The following TXNRD1 variants were observed in gnomAD, a reference collection of about 807,000 sequenced individuals.
The protein encoded by TXNRD1 is thioredoxin reductase 1, also known as thioredoxin reductase 1, cytoplasmic.
In TXNRD1, 57 loss-of-function variants were observed where a neutral mutation model predicts 80.3. That is an observed-to-expected ratio of 0.71 (90% CI 0.57 to 0.89). The LOEUF (loss-of-function observed/expected upper bound fraction) is 0.89. Among genes scored for constraint, TXNRD1 ranks in the 40% least tolerant of loss-of-function variants. The probability of loss-of-function intolerance (pLI) is 0.00; values close to 1 mark genes in which losing one functional copy is unlikely to be tolerated. For missense variants in TXNRD1, 730 were observed against 803.0 expected, an observed-to-expected ratio of 0.91 and a Z score of 1.10; for synonymous variants, 291 against 285.2, an observed-to-expected ratio of 1.02 and a Z score of -0.20.
chr12:104,250,246 T>C (rs576973127), intron 1 of TXNRD1, among the ~76,000 whole-genome samples: 4 of 152,186 alleles, frequency 2.6e-5, no homozygotes, highest in Middle Eastern at 6.8e-3. Context: ...ATAGAACACA[T>C]GCAAATTAAC....
intron 15 of TXNRD1, among the ~76,000 whole-genome samples, chr12:104,335,263 G>GTCCTTTTTTTTTTTTTTT (rs2036097103): frequency 6.7e-6 from 1 of 148,792 alleles, no homozygotes; most frequent in African/African-American, 2.5e-5. Flanking sequence ...GTGCAGTGGC[G>GTCCTTTTTTTTTTTTTTT]TGATCTTGGT....
chr12:104,325,485 G>C (rs1324391580), intron 11 of TXNRD1, 56 bp downstream of exon 11: 2 of 1,287,836 alleles, frequency 1.6e-6, no homozygotes, highest in Non-Finnish European at 2.2e-6. Context: ...ATGCTTATTG[G>C]GTATCTTATA....
At chr12:104,217,971 C>A (rs983871778) in intron 1 of TXNRD1, among the ~76,000 whole-genome samples, 1 of 151,684 alleles carries the variant, frequency 6.6e-6, no homozygotes, top group East Asian at 1.9e-4. Context: ...TATGTACATA[C>A]ACACACACAT....
At chr12:104,313,461 T>G (rs1171762354) in intron 6 of TXNRD1, 144 bp downstream of exon 6, 2 of 623,426 alleles carry the variant, frequency 3.2e-6, no homozygotes, top group Admixed American at 3.4e-5. Flanking sequence ...ATCTTTTATT[T>G]GAGCCAAGTT....
intron 4 of TXNRD1, chr12:104,303,979 C>T: frequency 6.2e-7 from 1 of 1,607,372 alleles, no homozygotes; most frequent in Non-Finnish European, 8.5e-7. Flanking sequence ...GCTCCGACGA[C>T]CTCAGCTCTG....
At position 104,251,533 on chromosome 12, in the gene TXNRD1, A is replaced by G. The variant is rs768840448; in HGVS notation, c.98A>G (p.Asp33Gly). ...TTACTTCCATTACTTCTAGCTAAAG[A>G]TCATCACCCTGGTAAAACTTTGCCA... ...NGDGRRRSAKDHHPGKTLPEN... is the reference protein window; with the variant it reads ...NGDGRRRSAKGHHPGKTLPEN... Residue 33 changes from aspartate to glycine, a missense_variant, in exon 2 of 17, where the codon GAT becomes GGT. Transcript: ENST00000525566. The G allele has an allele frequency of 1.7e-5, 28 of 1,613,710 alleles. No individual in the cohort carries two copies. The highest frequency in any genetic ancestry group is 2.4e-5 in the Non-Finnish European group (28 of 1,179,804).
At chr12:104,225,220 T>C (rs2032445458) in intron 1 of TXNRD1, among the ~76,000 whole-genome samples, 1 of 152,208 alleles carries the variant, frequency 6.6e-6, no homozygotes, top group African/African-American at 2.4e-5. Flanking sequence ...ATGATCCAGG[T>C]ACTGTGCTGA....
intron 2 of TXNRD1, among the ~76,000 whole-genome samples, chr12:104,253,048 A>G (rs1267364294): frequency 6.6e-6 from 1 of 151,918 alleles, no homozygotes; most frequent in African/African-American, 2.4e-5. Context: ...CTGCCCCATG[A>G]CTTACTTTCC....
chr12:104,274,832 C>T (rs932923323), intron 3 of TXNRD1, among the ~76,000 whole-genome samples: 3 of 152,068 alleles, frequency 2.0e-5, no homozygotes, highest in African/African-American at 7.2e-5. Flanking sequence ...GGTGGTTGAT[C>T]TGCACTTTTA....
At position 104,229,917 on chromosome 12, in the gene TXNRD1, C is replaced by T. The variant is rs190422527; in HGVS notation, c.91+14024C>T. ...ATTTTTATTTCTATTTTAACCACTT[C>T]TTGGACATTTGGGTTGTTTCCACTT... is the stretch of plus-strand genomic sequence containing the variant. On this transcript the variant is annotated intron_variant, in intron 1 of 16. Coordinates refer to ENST00000525566, the MANE Select transcript of TXNRD1 (RefSeq NM_001093771.3). 2.8e-3 allele frequency among the ~76,000 whole-genome samples: 425 copies of T among 151,968 alleles called. 2 individuals carry two copies. The highest frequency in any genetic ancestry group is 9.8e-3 in the African/African-American group (407 of 41,444).
At chr12:104,233,347 A>G (rs1335829831) in intron 1 of TXNRD1, among the ~76,000 whole-genome samples, 1 of 152,248 alleles carries the variant, frequency 6.6e-6, no homozygotes, top group Non-Finnish European at 1.5e-5. Context: ...TTTTCACGGT[A>G]AAATAACCAG....
intron 6 of TXNRD1, among the ~76,000 whole-genome samples, chr12:104,314,076 G>GGT (rs2035231300): frequency 6.6e-6 from 1 of 152,168 alleles, no homozygotes; most frequent in Non-Finnish European, 1.5e-5. Context: ...AAGGCCCTGA[G>GGT]GTAGGTAAAA....
intron 3 of TXNRD1, among the ~76,000 whole-genome samples, chr12:104,264,306 TG>T (rs1344391362): frequency 6.6e-6 from 1 of 152,212 alleles, no homozygotes; most frequent in Non-Finnish European, 1.5e-5. Context: ...CATTTAAAGC[TG>T]TAAACAAAAG....
chr12:104,250,029 T>A (rs1176435295), intron 1 of TXNRD1, among the ~76,000 whole-genome samples: 16 of 152,124 alleles, frequency 1.1e-4, no homozygotes. Flanking sequence ...TTAGCTGATT[T>A]TATTAACACC....
At chr12:104,295,418 A>G (rs948903899) in intron 4 of TXNRD1, among the ~76,000 whole-genome samples, 3 of 152,094 alleles carry the variant, frequency 2.0e-5, no homozygotes, top group Admixed American at 6.6e-5. Flanking sequence ...CTTCCAGCTC[A>G]TATTGCCAGT....
At position 104,326,327 on chromosome 12, in the gene TXNRD1, ATATAT is replaced by A. The variant is rs780323825; in HGVS notation, c.1309-17_1309-13del. On this transcript the variant is annotated splice_polypyrimidine_tract_variant and intron_variant, in intron 11 of 16. Transcript: ENST00000525566. The stretch of plus-strand genomic sequence containing the variant: ...AAAGCCTTTTTGTTATTAGTCACTA[ATATAT>A]TAATAATTTTTCAGGTGATGCTGGC... 5 of 1,530,744 alleles carry A rather than the reference ATATAT, an allele frequency of 3.3e-6. No individual in the cohort carries two copies. Among genetic ancestry groups the A allele is most frequent in the South Asian group, 1.3e-5 (1 of 79,312 alleles). 94.8% of individuals were successfully genotyped at this position (1,530,744 alleles called of 1,614,324 possible). A position where few individuals can be genotyped will look rare whatever the true frequency, so the allele number is the denominator to read the frequency against.
At position 104,349,771 on chromosome 12, in the gene TXNRD1, A is replaced by G. The variant is rs539689092; in HGVS notation, c.*1350A>G. 6 of 152,490 alleles carry G rather than the reference A, an allele frequency of 3.9e-5. No homozygotes were observed. The highest frequency in any genetic ancestry group is 1.4e-4 in the African/African-American group (6 of 41,516). The allele number at this position is 152,490 out of a possible 1,614,324, so 9.4% of individuals were successfully genotyped here. A position where few individuals can be genotyped will look rare whatever the true frequency, so the allele number is the denominator to read the frequency against. The stretch of plus-strand genomic sequence containing the variant: ...CAGCAGTTCTTGAAGCTTCTTTTTC[A>G]TTCCTGCTACTCTACCTGTATTTCT... On this transcript the variant is annotated 3_prime_UTR_variant, in exon 17 of 17. Coordinates refer to ENST00000525566, the MANE Select transcript of TXNRD1 (RefSeq NM_001093771.3).
chr12:104,299,767 C>CA (rs35918319), intron 4 of TXNRD1, among the ~76,000 whole-genome samples: 55,655 of 104,480 alleles, frequency 0.53, 13,190 homozygotes, highest in Non-Finnish European at 0.6. Context: ...GACTCCGTCT[C>CA]AAAAAAAAAA....
intron 4 of TXNRD1, among the ~76,000 whole-genome samples, chr12:104,290,053 A>C (rs1338632914): frequency 6.6e-6 from 1 of 152,240 alleles, no homozygotes; most frequent in Non-Finnish European, 1.5e-5. Context: ...ACCACGATCC[A>C]TGTGATTTTT....
Sources: allele counts gnomAD v4.1 joint callset (sites outside exome capture counted in the v4.1 genomes callset), GRCh38; gene constraint gnomAD v4.1.1; transcripts MANE v1.5; gene names NCBI Gene and HGNC (gene_info 2026-07-23, HGNC 2026-07-21).